The following NUP37 variants were observed in gnomAD, a reference collection of about 807,000 sequenced individuals.
The protein encoded by NUP37 is nucleoporin 37.
A neutral mutation model predicts 45.4 loss-of-function variants in NUP37; 33 were observed. That is an observed-to-expected ratio of 0.73 (90% CI 0.55 to 0.97). The LOEUF (loss-of-function observed/expected upper bound fraction) is 0.97. Ranked by LOEUF, NUP37 falls within the 50% of genes least tolerant of loss-of-function variation. The probability of loss-of-function intolerance (pLI) is 0.00; values close to 1 mark genes in which losing one functional copy is unlikely to be tolerated. For synonymous variants in NUP37, 127 were observed against 130.7 expected, an observed-to-expected ratio of 0.97 and a Z score of 0.19; for missense variants, 365 against 389.7, an observed-to-expected ratio of 0.94 and a Z score of 0.53.
At chr12:102,093,832 C>A (rs1370506523) in intron 5 of NUP37, among the ~76,000 whole-genome samples, 1 of 152,032 alleles carries the variant, frequency 6.6e-6, no homozygotes, top group Non-Finnish European at 1.5e-5. Flanking sequence ...ATGAGGGCCA[C>A]ATAAAGCAAG....
chr12:102,077,441 AAT>A lies in NUP37; in HGVS notation c.601_602del (p.Ile201PhefsTer4). 6.2e-7 allele frequency: 1 copy of A among 1,614,118 alleles called. No individual in the cohort carries two copies. The highest frequency in any genetic ancestry group is 8.5e-7 in the Non-Finnish European group (1 of 1,180,012). ...RFYDLLAQQA[I>X]LSLESEQVPL... ...GCACTTGTTCTGATTCAAGAGATAA[AAT>A]AGCCTGTTGGGCCAAAAGATCATAA... On this transcript the variant is annotated frameshift_variant, in exon 7 of 10. Transcript: ENST00000552283. LOFTEE classifies it high-confidence loss of function.
intron 3 of NUP37, 143 bp from the exon 4 acceptor site, chr12:102,101,247 T>C (rs1879963765): frequency 5.9e-6 from 3 of 510,640 alleles, no homozygotes; most frequent in Non-Finnish European, 1.1e-5. Flanking sequence ...GAAAGAAGAA[T>C]GTTGTGGCTC....
chr12:102,076,935 G>T, intron 7 of NUP37, 88 bp from the exon 8 acceptor site: 1 of 892,914 alleles, frequency 1.1e-6, no homozygotes. Context: ...CTCTTTATAG[G>T]ACAGAATGTC....
chr12:102,109,923 A>G (rs1210408495), intron 3 of NUP37, among the ~76,000 whole-genome samples: 1 of 152,232 alleles, frequency 6.6e-6, no homozygotes, highest in Non-Finnish European at 1.5e-5. Flanking sequence ...GTTCTTGTTT[A>G]GGTCTAGATA....
At chr12:102,110,327 C>T (rs1880275241) in intron 3 of NUP37, among the ~76,000 whole-genome samples, 1 of 141,342 alleles carries the variant, frequency 7.1e-6, no homozygotes, top group Admixed American at 7.0e-5. Flanking sequence ...TGGCGAAACC[C>T]CATCACTGCA....
intron 3 of NUP37, among the ~76,000 whole-genome samples, chr12:102,108,833 T>A (rs1001214876): frequency 1.3e-5 from 2 of 152,158 alleles, no homozygotes; most frequent in Non-Finnish European, 2.9e-5. Flanking sequence ...TATAGCATAA[T>A]GAAATCATAA....
chr12:102,086,057 A>C (rs1879461145), intron 5 of NUP37, among the ~76,000 whole-genome samples: 1 of 152,178 alleles, frequency 6.6e-6, no homozygotes, highest in South Asian at 2.1e-4. Context: ...ATTTTACCAT[A>C]ATCATGGACA....
At chr12:102,091,970 A>G (rs1279107945) in intron 5 of NUP37, among the ~76,000 whole-genome samples, 1 of 152,190 alleles carries the variant, frequency 6.6e-6, no homozygotes, top group Non-Finnish European at 1.5e-5. Context: ...TTTAAATGTT[A>G]TTGTCCCAAT....
At chr12:102,112,505 T>G (rs1880345532) in intron 2 of NUP37, among the ~76,000 whole-genome samples, 2 of 152,144 alleles carry the variant, frequency 1.3e-5, no homozygotes, top group African/African-American at 2.4e-5. Flanking sequence ...TCAATGAAAA[T>G]GGACTGCTTG....
intron 6 of NUP37, among the ~76,000 whole-genome samples, chr12:102,080,023 T>C (rs1004342439): frequency 6.6e-6 from 1 of 152,176 alleles, no homozygotes; most frequent in Non-Finnish European, 1.5e-5. Flanking sequence ...CTGTGAATAA[T>C]GAAGATCTAC....
chr12:102,103,714 A>G (rs528552793), intron 3 of NUP37, among the ~76,000 whole-genome samples: 1 of 152,342 alleles, frequency 6.6e-6, no homozygotes, highest in South Asian at 2.1e-4. Flanking sequence ...AACAATGTTC[A>G]ACATATGCAA....
chr12:102,085,118 AAAC>A (rs1231290653), intron 6 of NUP37, among the ~76,000 whole-genome samples: 3 of 152,146 alleles, frequency 2.0e-5, no homozygotes, highest in African/African-American at 7.2e-5. Flanking sequence ...ACAAACAAAC[AAAC>A]AAAAAACTGC....
chr12:102,096,499 G>A (rs1280603770), intron 5 of NUP37, among the ~76,000 whole-genome samples: 7 of 152,134 alleles, frequency 4.6e-5, no homozygotes, highest in Admixed American at 4.6e-4. Context: ...TCTGCTAGCT[G>A]ATTATAATAT....
chr12:102,098,446 T>C (rs73185915), intron 5 of NUP37, among the ~76,000 whole-genome samples: 6,354 of 152,268 alleles, frequency 0.042, 202 homozygotes, highest in African/African-American at 0.08. Context: ...CACAAACTTA[T>C]CATACAGCAT....
chr12:102,118,466 T>TA lies in NUP37; in HGVS notation c.52dup (p.Tyr18LeufsTer8), dbSNP rs1239675996. The TA allele has an allele frequency of 6.2e-7, 1 of 1,614,026 alleles. No homozygotes were observed. Among genetic ancestry groups the TA allele is most frequent in the Non-Finnish European group, 8.5e-7 (1 of 1,179,968 alleles). On this transcript the variant is annotated frameshift_variant, in exon 2 of 10. Transcript: ENST00000552283. LOFTEE classifies it high-confidence loss of function. ...GGGATTAAATTCTACCACATGCACATAATCTTCACAATCCACAGTGTAGGC... is the reference window on the plus strand; with the variant it reads ...GGGATTAAATTCTACCACATGCACATAAATCTTCACAATCCACAGTGTAGGC...
chr12:102,118,651 T>C, intron 1 of NUP37, 68 bp from the exon 2 acceptor site: 1 of 739,272 alleles, frequency 1.4e-6, no homozygotes, highest in South Asian at 2.1e-5. Flanking sequence ...TGCATCAAAA[T>C]AAGGTTGTGG....
At chr12:102,100,385 G>C (rs1879936739) in intron 4 of NUP37, among the ~76,000 whole-genome samples, 1 of 152,104 alleles carries the variant, frequency 6.6e-6, no homozygotes, top group South Asian at 2.1e-4. Flanking sequence ...ATGCAATTTT[G>C]ACCCAATCTG....
At chr12:102,106,078 T>C (rs542097558) in intron 3 of NUP37, among the ~76,000 whole-genome samples, 23 of 151,846 alleles carry the variant, frequency 1.5e-4, no homozygotes, top group Non-Finnish European at 2.4e-4. Context: ...GGGTAAGAGA[T>C]TGAAGTGATG....
chr12:102,101,167 C>A, intron 3 of NUP37, 63 bp from the exon 4 acceptor site: 1 of 790,018 alleles, frequency 1.3e-6, no homozygotes, highest in South Asian at 1.8e-5. Context: ...GTCTCCCCCT[C>A]CCCCCCATCC....
Sources: gnomAD v4.1 joint callset for allele counts (sites outside exome capture counted in the v4.1 genomes callset) on GRCh38, gnomAD v4.1.1 for gene constraint, MANE v1.5 for transcripts, NCBI Gene and HGNC (gene_info 2026-07-23, HGNC 2026-07-21) for gene names.